The following METTL5 variants were observed in gnomAD, a reference collection of about 807,000 sequenced individuals.
The protein encoded by METTL5 is rRNA N(6)-adenosine-methyltransferase METTL5.
METTL5 carries 28 observed loss-of-function variants against 26.5 expected under a neutral mutation model. That is an observed-to-expected ratio of 1.06 (90% CI 0.78 to 1.45). The LOEUF is 1.45. Ranked by LOEUF, METTL5 falls within the 40% of genes most tolerant of loss-of-function variation. METTL5 has a pLI of 0.00. For missense variants in METTL5, 231 were observed against 249.9 expected (o/e 0.92, Z 0.51); for synonymous variants, 86 against 82.6 (o/e 1.04, Z -0.22).
At chr2:169,823,989 C>T (rs536384243) in intron 1 of METTL5, among the ~76,000 whole-genome samples, 1 of 152,348 alleles carries the variant, frequency 6.6e-6, no homozygotes, top group African/African-American at 2.4e-5. Context: ...CTCATCTTTA[C>T]ACAGCACATA....
intron 4 of METTL5, among the ~76,000 whole-genome samples, chr2:169,816,806 T>C (rs542348820): frequency 5.9e-5 from 9 of 152,228 alleles, no homozygotes; most frequent in African/African-American, 2.2e-4. Context: ...TCAAGATGGA[T>C]TAAAAATCTA....
At chr2:169,824,404 T>C in intron 1 of METTL5, 85 bp downstream of exon 1, 1 of 1,090,108 alleles carries the variant, frequency 9.2e-7, no homozygotes, top group Non-Finnish European at 1.4e-6. Flanking sequence ...AGACATTCTC[T>C]GTATCCAAAT....
chr2:169,820,332 C>T (rs550346874), intron 3 of METTL5, among the ~76,000 whole-genome samples: 7 of 152,296 alleles, frequency 4.6e-5, no homozygotes, highest in African/African-American at 1.7e-4. Context: ...TTAACAGCCA[C>T]GGTGAGTCAC....
chr2:169,812,392 C>G, intron 6 of METTL5, 65 bp downstream of exon 6: 1 of 1,612,634 alleles, frequency 6.2e-7, no homozygotes, highest in Non-Finnish European at 8.5e-7. Flanking sequence ...AGGCATGAAC[C>G]ACCACATCCG....
chr2:169,818,067 GTGAC>G (rs1350724907), intron 4 of METTL5, among the ~76,000 whole-genome samples: 1 of 152,130 alleles, frequency 6.6e-6, no homozygotes, highest in Admixed American at 6.6e-5. Flanking sequence ...CTTAATAATA[GTGAC>G]TGACTGTGCC....
intron 6 of METTL5, 179 bp downstream of exon 6, chr2:169,812,277 AT>A (rs1323356630): frequency 1.1e-6 from 1 of 936,756 alleles, no homozygotes; most frequent in South Asian, 1.5e-5. Flanking sequence ...TCTCACTCTT[AT>A]CGCGCAGGCT....
At chr2:169,814,636 G>A (rs1461500202) in intron 5 of METTL5, among the ~76,000 whole-genome samples, 2 of 148,402 alleles carry the variant, frequency 1.3e-5, no homozygotes, top group South Asian at 2.1e-4. Context: ...GAGCAGTGGC[G>A]CGATCTCAGC....
Position 169,824,719 on chromosome 2 carries a change from G to T in METTL5, c.-122C>A. ...CTCCCTTTTTCAGCACCGCTGGCCG[G>T]ACCCGAAGACGCGCCCTAAGGAGAC... On this transcript the variant is annotated 5_prime_UTR_variant, in exon 1 of 7. Transcript: ENST00000260953. The T allele has an allele frequency of 1.3e-6, 1 of 781,398 alleles. No individual in the cohort carries two copies. Among genetic ancestry groups the T allele is most frequent in the Non-Finnish European group, 2.1e-6 (1 of 466,990 alleles). The allele number at this position is 781,398 out of a possible 1,614,324, so 48.4% of individuals were successfully genotyped here.
chr2:169,824,720 A>C lies in METTL5; in HGVS notation c.-123T>G. The C allele has an allele frequency of 1.3e-6, 1 of 780,636 alleles. No homozygotes were observed. The highest frequency in any genetic ancestry group is 2.1e-6 in the Non-Finnish European group (1 of 466,872). The allele number at this position is 780,636 out of a possible 1,614,324, so 48.4% of individuals were successfully genotyped here. ...TCCCTTTTTCAGCACCGCTGGCCGG[A>C]CCCGAAGACGCGCCCTAAGGAGACG... On this transcript the variant is annotated 5_prime_UTR_variant, in exon 1 of 7. Coordinates refer to ENST00000260953, the MANE Select transcript of METTL5 (RefSeq NM_014168.4).
chr2:169,812,527 A>G, intron 5 of METTL5, 21 bp from the exon 6 acceptor site: 1 of 1,611,402 alleles, frequency 6.2e-7, no homozygotes, highest in South Asian at 1.1e-5. Flanking sequence ...AAAGCCACCT[A>G]AGGATAAAAT....
intron 1 of METTL5, among the ~76,000 whole-genome samples, chr2:169,822,908 A>T (rs927750926): frequency 6.6e-6 from 1 of 152,102 alleles, no homozygotes; most frequent in African/African-American, 2.4e-5. Context: ...CATGAATACC[A>T]CCACCACCGA....
In METTL5 at chr2:169,824,749, G is replaced by A. The variant is rs1033866771; in HGVS notation, c.-152C>T. ...GAAGACGCGCCCTAAGGAGACGCCC[G>A]GACGCAGGGCACGGGGCGAGCCTCT... On this transcript the variant is annotated 5_prime_UTR_variant, in exon 1 of 7. Coordinates refer to ENST00000260953, the MANE Select transcript of METTL5 (RefSeq NM_014168.4). 4 of 618,068 alleles carry A rather than the reference G, an allele frequency of 6.5e-6. No homozygotes were observed. The highest frequency in any genetic ancestry group is 8.6e-6 in the Non-Finnish European group (3 of 350,534). The allele number at this position is 618,068 out of a possible 1,614,324, so 38.3% of individuals were successfully genotyped here.
intron 6 of METTL5, 45 bp from the exon 7 acceptor site, chr2:169,811,903 G>A (rs759720853): frequency 1.3e-6 from 2 of 1,590,542 alleles, no homozygotes; most frequent in Admixed American, 3.4e-5. Context: ...TTGTCTTTTT[G>A]TTATGCAAAT....
intron 3 of METTL5, among the ~76,000 whole-genome samples, chr2:169,820,775 C>A (rs2081572557): frequency 6.6e-6 from 1 of 152,138 alleles, no homozygotes; most frequent in Non-Finnish European, 1.5e-5. Flanking sequence ...TGCAGTGGCA[C>A]ATTCATGGCT....
At chr2:169,819,214 T>A (rs1047566532) in intron 4 of METTL5, among the ~76,000 whole-genome samples, 5 of 152,188 alleles carry the variant, frequency 3.3e-5, no homozygotes, top group African/African-American at 1.2e-4. Context: ...CTCCCTTAAG[T>A]ACATCAGGCC....
At chr2:169,813,834 C>T (rs1011212709) in intron 5 of METTL5, among the ~76,000 whole-genome samples, 3 of 152,034 alleles carry the variant, frequency 2.0e-5, no homozygotes, top group African/African-American at 7.2e-5. Context: ...CTGCTGCACT[C>T]CAGCCTGGGC....
chr2:169,821,823 T>A (rs1000795540), intron 2 of METTL5, 120 bp downstream of exon 2: 2 of 757,176 alleles, frequency 2.6e-6, no homozygotes, highest in African/African-American at 3.5e-5. Flanking sequence ...GTATTCAGTA[T>A]CAGATTTTTG....
chr2:169,814,209 T>A (rs1424789319), intron 5 of METTL5, among the ~76,000 whole-genome samples: 2 of 151,682 alleles, frequency 1.3e-5, no homozygotes, highest in Non-Finnish European at 2.9e-5. Flanking sequence ...AATTAGAGGC[T>A]GGGCTCAGTG....
At chr2:169,815,362 T>C (rs1329417603) in intron 5 of METTL5, 115 bp downstream of exon 5, 1 of 675,086 alleles carries the variant, frequency 1.5e-6, no homozygotes, top group Non-Finnish European at 2.6e-6. Context: ...TTACCAATCA[T>C]GCACATTTTG....
Sources: gnomAD v4.1 joint callset for allele counts (sites outside exome capture counted in the v4.1 genomes callset) on GRCh38, gnomAD v4.1.1 for gene constraint, MANE v1.5 for transcripts, NCBI Gene and HGNC (gene_info 2026-07-23, HGNC 2026-07-21) for gene names.